The following MBP variants were observed in gnomAD, a reference collection of about 807,000 sequenced individuals.
The protein encoded by MBP is Golli-MBP.
MBP carries 16 observed loss-of-function variants against 35.8 expected under a neutral mutation model. That is an observed-to-expected ratio of 0.45 (90% confidence interval 0.30 to 0.68). The LOEUF (loss-of-function observed/expected upper bound fraction) is 0.68, where lower values mean the gene tolerates loss of function less well. MBP is among the 30% of genes least tolerant of loss of function. MBP has a pLI of 0.08. For missense variants in MBP, 380 were observed against 404.7 expected (o/e 0.94, Z 0.52); for synonymous variants, 143 against 159.6 (o/e 0.90, Z 0.78).
intron 3 of MBP, among the ~76,000 whole-genome samples, chr18:77,040,839 C>A (rs1029329129): frequency 2.6e-5 from 4 of 152,158 alleles, no homozygotes; most frequent in African/African-American, 9.7e-5. Flanking sequence ...TAGAAGAAAA[C>A]CTAGGCAATA....
In MBP at chr18:77,126,873, A is replaced by G. The variant is rs759618382; in HGVS notation, c.-26+5707T>C. On this transcript the variant is annotated intron_variant, in intron 1 of 8. Transcript: ENST00000355994. ...CACTGAAATTTATAAAACATTGATG[A>G]AAGAAGTTAAAGAAGACCTAATTAC... Among the ~76,000 whole-genome samples, 36 of 152,350 alleles carry G rather than the reference A, an allele frequency of 2.4e-4. No homozygotes were observed. In the Middle Eastern group the frequency reaches 0.01, roughly 43 times the overall value.
At chr18:77,016,602 C>T in intron 4 of MBP, 7 of 1,400,710 alleles carry the variant, frequency 5.0e-6, no homozygotes, top group East Asian at 2.6e-5. Flanking sequence ...CTGAGCCACA[C>T]CCCGGCCACC....
At chr18:77,128,600 G>C (rs1977137783) in intron 1 of MBP, among the ~76,000 whole-genome samples, 1 of 152,044 alleles carries the variant, frequency 6.6e-6, no homozygotes, top group Admixed American at 6.5e-5. Context: ...TCTGAAATCT[G>C]AACAAAGTTA....
intron 3 of MBP, among the ~76,000 whole-genome samples, chr18:77,057,169 C>A (rs762182859): frequency 6.6e-6 from 1 of 152,150 alleles, no homozygotes; most frequent in Non-Finnish European, 1.5e-5. Flanking sequence ...GTAACTGTTA[C>A]AGTGTTTGTT....
intron 7 of MBP, chr18:76,985,452 G>A (rs536350517): frequency 4.2e-6 from 5 of 1,190,922 alleles, no homozygotes; most frequent in African/African-American, 1.6e-5. Context: ...AAGAGTCCTC[G>A]GCCTTAGTAA....
intron 3 of MBP, among the ~76,000 whole-genome samples, chr18:77,055,708 CCT>C (rs1973692928): frequency 6.6e-6 from 1 of 151,936 alleles, no homozygotes; most frequent in Non-Finnish European, 1.5e-5. Context: ...TGGTGTTTGG[CCT>C]CTGTTTTGTT....
intron 4 of MBP, among the ~76,000 whole-genome samples, chr18:76,994,053 C>A (rs1279271805): frequency 6.6e-6 from 1 of 152,198 alleles, no homozygotes; most frequent in Non-Finnish European, 1.5e-5. Context: ...ATTTAGTCAC[C>A]ACTAACCAGC....
chr18:77,002,929 G>A (rs531610141), intron 4 of MBP: 72 of 152,354 alleles, frequency 4.7e-4, no homozygotes, highest in African/African-American at 1.4e-3. Context: ...AGAACTAACA[G>A]TGTGCTCACA....
At chr18:77,036,324 G>T (rs1418569814) in intron 3 of MBP, among the ~76,000 whole-genome samples, 4 of 130,420 alleles carry the variant, frequency 3.1e-5, no homozygotes, top group Admixed American at 7.2e-5. Flanking sequence ...AGCAAGTGCT[G>T]GTCACATTTT....
chr18:76,985,062 G>T, intron 7 of MBP, 168 bp from the exon 8 acceptor site: 1 of 1,488,836 alleles, frequency 6.7e-7, no homozygotes, highest in Non-Finnish European at 9.1e-7. Flanking sequence ...GTGGGGGCGG[G>T]AGAGGCTGCT....
intron 3 of MBP, among the ~76,000 whole-genome samples, chr18:77,050,972 A>C (rs1317438615): frequency 6.6e-6 from 1 of 151,422 alleles, no homozygotes; most frequent in Non-Finnish European, 1.5e-5. Flanking sequence ...TAATTATAAT[A>C]TTTGCCTTTG....
intron 3 of MBP, among the ~76,000 whole-genome samples, chr18:77,041,303 A>T (rs1193870951): frequency 6.6e-6 from 1 of 152,196 alleles, no homozygotes; most frequent in Non-Finnish European, 1.5e-5. Context: ...GATGTGGAGA[A>T]ATAGGAACAC....
At chr18:77,065,282 G>T (rs2122450) in intron 3 of MBP, among the ~76,000 whole-genome samples, 1 of 152,050 alleles carries the variant, frequency 6.6e-6, no homozygotes, top group Admixed American at 6.5e-5. Flanking sequence ...GCCATGACGT[G>T]GTGGGTGGCA....
At chr18:77,028,553 C>T (rs1423949483) in intron 3 of MBP, among the ~76,000 whole-genome samples, 1 of 96,170 alleles carries the variant, frequency 1.0e-5, no homozygotes, top group Admixed American at 1.1e-4. Flanking sequence ...CTCCTCACTT[C>T]CCAGTAGGGG....
chr18:77,120,922 G>C (rs1976868506), intron 1 of MBP, among the ~76,000 whole-genome samples: 2 of 152,166 alleles, frequency 1.3e-5, no homozygotes, highest in African/African-American at 2.4e-5. Context: ...ATACCGCCAG[G>C]ACCTTTTCTA....
At chr18:77,022,879 A>C (rs963511892) in intron 3 of MBP, among the ~76,000 whole-genome samples, 1 of 152,220 alleles carries the variant, frequency 6.6e-6, no homozygotes, top group South Asian at 2.1e-4. Flanking sequence ...GGGCGAGTGC[A>C]GTTTAGTCGT....
intron 2 of MBP, among the ~76,000 whole-genome samples, chr18:77,073,127 A>G (rs890925022): frequency 7.2e-5 from 11 of 152,230 alleles, no homozygotes; most frequent in African/African-American, 2.7e-4. Flanking sequence ...TTCATTTCCA[A>G]TCCAGAAAGT....
chr18:77,063,896 ATG>A (rs10554697), intron 3 of MBP, among the ~76,000 whole-genome samples: 27,843 of 149,504 alleles, frequency 0.19, 3,129 homozygotes, highest in African/African-American at 0.31. Flanking sequence ...ACCTATACAT[ATG>A]TGTGTGTGTG....
intron 1 of MBP, chr18:77,115,110 A>G (rs138401363): frequency 2.6e-5 from 4 of 152,362 alleles, no homozygotes; most frequent in Non-Finnish European, 4.4e-5. Flanking sequence ...GCTCCTCTGT[A>G]GCCACCCGTA....
Sources: allele counts gnomAD v4.1 joint callset (sites outside exome capture counted in the v4.1 genomes callset), GRCh38; gene constraint gnomAD v4.1.1; transcripts MANE v1.5; gene names NCBI Gene and HGNC (gene_info 2026-07-23, HGNC 2026-07-21).